The following SENP7 variants were observed in gnomAD, a reference collection of about 807,000 sequenced individuals.
SENP7 encodes the protein SUMO specific peptidase 7.
A neutral mutation model predicts 141.2 loss-of-function variants in SENP7; 64 were observed. The ratio of observed to expected loss-of-function variants is 0.45; its 90% CI spans 0.37 to 0.56. The LOEUF (loss-of-function observed/expected upper bound fraction) is 0.56, where lower values mean the gene tolerates loss of function less well. Among genes scored for constraint, SENP7 ranks in the 20% least tolerant of loss-of-function variants. SENP7 has a pLI of 0.00. For synonymous variants in SENP7, 382 were observed against 426.4 expected, an observed-to-expected ratio of 0.90 and a Z score of 1.28; for missense variants, 1,025 against 1,212.2, an observed-to-expected ratio of 0.85 and a Z score of 2.29.
chr3:101,396,906 C>T lies in SENP7; in HGVS notation c.677+1955G>A, dbSNP rs573559054. Among the ~76,000 whole-genome samples the T allele has an allele frequency of 5.4e-4, 82 of 152,254 alleles. 1 individual carries two copies. The South Asian group carries it at 8.3e-3, about 15-fold the overall frequency. Reference sequence around the variant, plus strand: ...TTGCCCAGGCTGGAGTGCAATGGTGCGGTCTCAGCTCACTGCAACCTCCAC... The same window carrying T: ...TTGCCCAGGCTGGAGTGCAATGGTGTGGTCTCAGCTCACTGCAACCTCCAC... On this transcript the variant is annotated intron_variant, in intron 6 of 23. Coordinates refer to ENST00000394095, the MANE Select transcript of SENP7 (RefSeq NM_020654.5).
intron 3 of SENP7, among the ~76,000 whole-genome samples, chr3:101,473,398 T>C: frequency 6.6e-6 from 1 of 152,340 alleles, no homozygotes; most frequent in South Asian, 2.1e-4. Context: ...CACCATCTGT[T>C]ACTTTTGGAG....
At chr3:101,341,099 T>C (rs183601362) in intron 15 of SENP7, among the ~76,000 whole-genome samples, 1 of 152,340 alleles carries the variant, frequency 6.6e-6, no homozygotes, top group Admixed American at 6.5e-5. Context: ...ATTGGCTATT[T>C]TCCTATCCTA....
At chr3:101,502,022 G>A (rs968735833) in intron 1 of SENP7, among the ~76,000 whole-genome samples, 3 of 152,096 alleles carry the variant, frequency 2.0e-5, no homozygotes, top group Non-Finnish European at 4.4e-5. Flanking sequence ...TAAAAACAAA[G>A]CATCTAGATT....
chr3:101,459,052 A>C lies in SENP7; in HGVS notation c.187T>G (p.Trp63Gly). 1 of 1,539,188 alleles carries C rather than the reference A, an allele frequency of 6.5e-7. No homozygotes were observed. Among genetic ancestry groups the C allele is most frequent in the Non-Finnish European group, 8.9e-7 (1 of 1,129,632 alleles). The change falls in exon 4 of 24, where the codon TGG (tryptophan) becomes GGG (glycine). Residue 63 changes from tryptophan to glycine, a missense_variant and splice_region_variant. Trp to Gly is a radical substitution (Grantham distance 184). Transcript: ENST00000394095. Reference sequence around the variant, plus strand: ...ACTTTATTCCTTAGGCTTCTTTCCCACTAGGAAAAAAAAAATGAAATTTTA... The same window carrying C: ...ACTTTATTCCTTAGGCTTCTTTCCCCCTAGGAAAAAAAAAATGAAATTTTA... ...SSERWTLPLQ[W>G]ERSLRNKVIS... is the part of the protein sequence containing the mutation.
At chr3:101,506,019 A>AT (rs143265103) in intron 1 of SENP7, among the ~76,000 whole-genome samples, 1,921 of 142,134 alleles carry the variant, frequency 0.014, 73 homozygotes, top group East Asian at 0.056. Context: ...TTTATTCCAT[A>AT]ATTTTTTTTT....
intron 7 of SENP7, 67 bp from the exon 8 acceptor site, chr3:101,368,078 C>A: frequency 8.2e-7 from 1 of 1,216,760 alleles, no homozygotes; most frequent in Non-Finnish European, 1.2e-6. Flanking sequence ...TAGAAAAGCT[C>A]GAAGTAACAT....
At chr3:101,381,830 T>G (rs1243221528) in intron 6 of SENP7, among the ~76,000 whole-genome samples, 1 of 152,136 alleles carries the variant, frequency 6.6e-6, no homozygotes, top group East Asian at 1.9e-4. Flanking sequence ...AGAAGAGAAA[T>G]TTTAAGTTAA....
intron 3 of SENP7, among the ~76,000 whole-genome samples, chr3:101,476,296 G>C (rs1016167434): frequency 6.7e-6 from 1 of 148,640 alleles, no homozygotes; most frequent in Non-Finnish European, 1.5e-5. Flanking sequence ...TCCCCGCCCT[G>C]TGTCCATGTG....
rs1363412140 is a variant in SENP7, at chr3:101,351,614, T to A, written c.1657+4A>T. ...GACAAGTTCATAAGAGAATGATAAC[T>A]TACCTTGAAATGGGATCTTAATATA... On this transcript the variant is annotated splice_donor_region_variant and intron_variant, in intron 12 of 23. Coordinates refer to ENST00000394095, the MANE Select transcript of SENP7 (RefSeq NM_020654.5). 20 of 1,357,456 alleles carry A rather than the reference T, an allele frequency of 1.5e-5. No homozygotes were observed. Among genetic ancestry groups the A allele is most frequent in the Non-Finnish European group, 1.8e-5 (19 of 1,031,712 alleles). 84.1% of individuals were successfully genotyped at this position (1,357,456 alleles called of 1,614,324 possible).
At chr3:101,336,818 A>G (rs1576818557) in intron 17 of SENP7, among the ~76,000 whole-genome samples, 2 of 152,222 alleles carry the variant, frequency 1.3e-5, no homozygotes, top group African/African-American at 4.8e-5. Flanking sequence ...CCACTGCTCC[A>G]CAGTTTTAGT....
At chr3:101,482,611 T>G (rs560987909) in intron 3 of SENP7, among the ~76,000 whole-genome samples, 2 of 152,278 alleles carry the variant, frequency 1.3e-5, no homozygotes, top group African/African-American at 4.8e-5. Flanking sequence ...AAAACACAAT[T>G]TTTAAAGAGA....
intron 2 of SENP7, among the ~76,000 whole-genome samples, chr3:101,497,930 G>A (rs1041685125): frequency 6.6e-6 from 1 of 152,202 alleles, no homozygotes; most frequent in African/African-American, 2.4e-5. Context: ...AGCCTCCCAA[G>A]TAGCTGGGAT....
At position 101,325,100 on chromosome 3, in the gene SENP7, A is replaced by G. The variant is rs910615306; in HGVS notation, c.*843T>C. 1.3e-5 allele frequency: 2 copies of G among 152,086 alleles called. No individual in the cohort carries two copies. The highest frequency in any genetic ancestry group is 4.8e-5 in the African/African-American group (2 of 41,440). 9.4% of individuals were successfully genotyped at this position (152,086 alleles called of 1,614,324 possible). A position where few individuals can be genotyped will look rare whatever the true frequency, so the allele number is the denominator to read the frequency against. On this transcript the variant is annotated 3_prime_UTR_variant, in exon 24 of 24. Coordinates refer to ENST00000394095, the MANE Select transcript of SENP7 (RefSeq NM_020654.5). ...TCTTTGTTAAAGTTATGAGGACACC[A>G]ATTTTATCTTCTATATTAGAGAAAC...
chr3:101,393,915 A>G (rs2060887287), intron 6 of SENP7, among the ~76,000 whole-genome samples: 1 of 152,220 alleles, frequency 6.6e-6, no homozygotes, highest in Non-Finnish European at 1.5e-5. Flanking sequence ...GATCAAGTCA[A>G]ATTATCTGGG....
intron 4 of SENP7, 45 bp from the exon 5 acceptor site, chr3:101,417,835 T>C: frequency 7.1e-7 from 1 of 1,410,978 alleles, no homozygotes; most frequent in Non-Finnish European, 1.0e-6. Flanking sequence ...CTACACATTG[T>C]AGAATACATG....
chr3:101,325,745 A>G lies in SENP7; in HGVS notation c.*198T>C, dbSNP rs1231419534. On this transcript the variant is annotated 3_prime_UTR_variant, in exon 24 of 24. Transcript: ENST00000394095. ...ATTTATATCTAGTAAGTTTATCTAT[A>G]TCACCCCCATTCCCATTCCATCTAT... The G allele has an allele frequency of 3.2e-5, 12 of 371,340 alleles. No homozygotes were observed. The highest frequency in any genetic ancestry group is 3.2e-4 in the Admixed American group (7 of 21,862). The allele number at this position is 371,340 out of a possible 1,614,324, so 23.0% of individuals were successfully genotyped here.
intron 3 of SENP7, among the ~76,000 whole-genome samples, chr3:101,491,157 T>C (rs1479659897): frequency 3.3e-5 from 5 of 150,738 alleles, no homozygotes; most frequent in East Asian, 3.9e-4. Context: ...CAGGGTCTCA[T>C]TGTTTCCCAG....
Position 101,462,550 on chromosome 3 carries a change from A to AAAAG in SENP7, c.187-3502_187-3499dup, listed in dbSNP as rs1015583900. Among the ~76,000 whole-genome samples the AAAAG allele has an allele frequency of 3.3e-5, 5 of 151,510 alleles. No individual in the cohort carries two copies. The South Asian group carries it at 8.4e-4, about 25-fold the overall frequency. ...GAGTGAAACTCTGTCTCAAAAAAAA[A>AAAAG]AAAGAAAGAAAGAAAAGAAACACTA... On this transcript the variant is annotated intron_variant, in intron 3 of 23. Coordinates refer to ENST00000394095, the MANE Select transcript of SENP7 (RefSeq NM_020654.5).
At chr3:101,471,904 C>T (rs928170404) in intron 3 of SENP7, among the ~76,000 whole-genome samples, 1 of 152,226 alleles carries the variant, frequency 6.6e-6, no homozygotes, top group Non-Finnish European at 1.5e-5. Context: ...TGAAAAAACA[C>T]TCATCATCAC....
Sources: gnomAD v4.1 joint callset for allele counts (sites outside exome capture counted in the v4.1 genomes callset) on GRCh38, gnomAD v4.1.1 for gene constraint, MANE v1.5 for transcripts, NCBI Gene and HGNC (gene_info 2026-07-23, HGNC 2026-07-21) for gene names.